Variants in RAP1GAP2 observed in about 807,000 individuals in gnomAD.
The protein encoded by RAP1GAP2 is RAP1 GTPase activating protein 2, also known as rap1 GTPase-activating protein 2.
RAP1GAP2 carries 27 observed loss-of-function variants against 95.0 expected under a neutral mutation model. The ratio of observed to expected loss-of-function variants is 0.28; its 90% CI spans 0.21 to 0.39. The LOEUF (loss-of-function observed/expected upper bound fraction) is 0.39. Ranked by LOEUF, RAP1GAP2 falls within the 10% of genes least tolerant of loss-of-function variation. The pLI is 1.00. For synonymous variants in RAP1GAP2, 373 were observed against 380.9 expected (o/e 0.98, Z 0.24); for missense variants, 771 against 970.0 (o/e 0.79, Z 2.72).
chr17:2,767,200 A>C (rs1022131960), intron 1 of RAP1GAP2, among the ~76,000 whole-genome samples: 2 of 151,640 alleles, frequency 1.3e-5, no homozygotes, highest in African/African-American at 4.8e-5. Context: ...CGTTTCCACT[A>C]AAAACACAAA....
rs775634900 is a variant in RAP1GAP2 at position 3,005,932 on chromosome 17, G to A, written c.1273-23G>A. ...GGCAACAGCCGAGAGTGACAGACCT[G>A]AGGTCCGTCTTGTCTCTTCCAGGGC... is the stretch of plus-strand genomic sequence containing the variant. On this transcript the variant is annotated intron_variant, in intron 15 of 24. Transcript: ENST00000254695. This position sits in a 1 kb window ranked among gnomAD's most constrained non-coding sequence, Gnocchi z 5.2. 7.5e-6 allele frequency: 12 copies of A among 1,604,182 alleles called. No individual in the cohort carries two copies. The highest frequency in any genetic ancestry group is 1.0e-5 in the Non-Finnish European group (12 of 1,171,136).
In RAP1GAP2 at chr17:2,857,961, G is replaced by A. The variant is rs1426333943; in HGVS notation, c.81-47323G>A. ...CTAAAAATGCAAAAAGTAGCTGGGT[G>A]TGGTGGCGTGCACCTGTAATCCCAG... On this transcript the variant is annotated intron_variant, in intron 2 of 24. Transcript: ENST00000254695. This position sits in a 1 kb window ranked among gnomAD's most constrained non-coding sequence, Gnocchi z 4.0. Among the ~76,000 whole-genome samples the A allele has an allele frequency of 6.6e-6, 1 of 152,196 alleles. No individual in the cohort carries two copies. Among genetic ancestry groups the A allele is most frequent in the Non-Finnish European group, 1.5e-5 (1 of 68,042 alleles).
chr17:2,846,792 T>C (rs1005936936), intron 2 of RAP1GAP2, among the ~76,000 whole-genome samples: 5 of 152,156 alleles, frequency 3.3e-5, no homozygotes, highest in Non-Finnish European at 5.9e-5. Context: ...CCCAGGTTCG[T>C]CTGACTGCAG....
chr17:2,841,104 G>A (rs1205650659), intron 2 of RAP1GAP2, among the ~76,000 whole-genome samples: 1 of 151,828 alleles, frequency 6.6e-6, no homozygotes, highest in East Asian at 2.0e-4. Flanking sequence ...GCAGTGAGCC[G>A]AGATTGCGCC....
chr17:2,791,804 T>C (rs2068931654), upstream of RAP1GAP2, among the ~76,000 whole-genome samples: 1 of 151,950 alleles, frequency 6.6e-6, no homozygotes, highest in South Asian at 2.1e-4. Context: ...TGGGCTGTGC[T>C]TGATGGGGCC....
At chr17:2,877,055 A>T (rs893237365) in intron 2 of RAP1GAP2, among the ~76,000 whole-genome samples, 1 of 151,406 alleles carries the variant, frequency 6.6e-6, no homozygotes, top group African/African-American at 2.4e-5. Flanking sequence ...CACCCAGCTA[A>T]TTTTTGTATT....
At chr17:2,998,680 G>T (rs1328304761) in intron 14 of RAP1GAP2, among the ~76,000 whole-genome samples, 1 of 151,838 alleles carries the variant, frequency 6.6e-6, no homozygotes, top group African/African-American at 2.4e-5. Context: ...GATGCCATTT[G>T]CTCGCTGTGA....
chr17:2,802,231 C>G (rs965152366), intron 2 of RAP1GAP2, among the ~76,000 whole-genome samples: 3 of 152,178 alleles, frequency 2.0e-5, no homozygotes, highest in Non-Finnish European at 2.9e-5. Context: ...GGTTGTGTAT[C>G]CCCTGGATGC....
chr17:3,036,741 A>G lies in RAP1GAP2; in HGVS notation c.*3380A>G, dbSNP rs948436032. 6.6e-6 allele frequency: 1 copy of G among 151,800 alleles called. No individual in the cohort carries two copies. Among genetic ancestry groups the G allele is most frequent in the Non-Finnish European group, 1.5e-5 (1 of 67,868 alleles). The allele number at this position is 151,800 out of a possible 1,614,324, so 9.4% of individuals were successfully genotyped here. Reference sequence around the variant, plus strand: ...TAAGAGGAAAAGTGGTCAAAGAAAAACTCTTCATTTCTCCCTGATTCTTAA... The same window carrying G: ...TAAGAGGAAAAGTGGTCAAAGAAAAGCTCTTCATTTCTCCCTGATTCTTAA... On this transcript the variant is annotated 3_prime_UTR_variant, in exon 25 of 25. Coordinates refer to ENST00000254695, the MANE Select transcript of RAP1GAP2 (RefSeq NM_015085.5).
chr17:3,006,118 A>ATT, intron 16 of RAP1GAP2, 77 bp downstream of exon 16: 1 of 720,056 alleles, frequency 1.4e-6, no homozygotes, highest in Non-Finnish European at 2.1e-6. Flanking sequence ...GGGCTCCTCC[A>ATT]TCTTTTTTTT....
At chr17:2,974,369 A>G (rs369963334) in intron 8 of RAP1GAP2, among the ~76,000 whole-genome samples, 1 of 151,884 alleles carries the variant, frequency 6.6e-6, no homozygotes, top group East Asian at 1.9e-4. Flanking sequence ...AAGAAGGAAA[A>G]TAACCCTCAA....
intron 1 of RAP1GAP2, chr17:2,800,305 C>T (rs56064212): frequency 0.017 from 14,758 of 876,862 alleles, 632 homozygotes; most frequent in African/African-American, 0.14. Flanking sequence ...AATAATAATA[C>T]GCATGTTGTA....
intron 2 of RAP1GAP2, among the ~76,000 whole-genome samples, chr17:2,853,455 C>T (rs985737379): frequency 6.6e-6 from 1 of 150,658 alleles, no homozygotes; most frequent in South Asian, 2.1e-4. Flanking sequence ...CCGCCTCTGC[C>T]TGGGGAGGGA....
intron 2 of RAP1GAP2, among the ~76,000 whole-genome samples, chr17:2,823,539 C>T (rs1408939313): frequency 6.6e-6 from 1 of 152,220 alleles, no homozygotes; most frequent in Admixed American, 6.6e-5. Context: ...ATCGTCTCTG[C>T]AGTGGAGGTG....
intron 3 of RAP1GAP2, among the ~76,000 whole-genome samples, chr17:2,934,983 G>A (rs776530952): frequency 9.9e-5 from 15 of 152,160 alleles, no homozygotes; most frequent in African/African-American, 1.4e-4. Context: ...TAGGGAAGAC[G>A]GGTGGGATTT....
intron 4 of RAP1GAP2, among the ~76,000 whole-genome samples, chr17:2,961,621 A>G (rs1285604653): frequency 6.6e-6 from 1 of 152,268 alleles, no homozygotes; most frequent in East Asian, 1.9e-4. Flanking sequence ...AGTCCCAGGC[A>G]TCATATCTGA....
rs949983888 is a variant in RAP1GAP2 at position 2,904,767 on chromosome 17, C to T, written c.81-517C>T. On this transcript the variant is annotated intron_variant, in intron 2 of 24. Transcript: ENST00000254695. This position sits in a 1 kb window ranked among gnomAD's most constrained non-coding sequence, Gnocchi z 4.7. ...GGTGTGCACCTGCAAATGTGCATGT[C>T]TTTCGAGTTCCCAGGTGCCGCTGGT... 1.3e-5 allele frequency among the ~76,000 whole-genome samples: 2 copies of T among 152,142 alleles called. No individual in the cohort carries two copies. The highest frequency in any genetic ancestry group is 2.9e-5 in the Non-Finnish European group (2 of 68,034).
At chr17:2,959,146 C>A (rs1208626023) in intron 4 of RAP1GAP2, among the ~76,000 whole-genome samples, 1 of 152,136 alleles carries the variant, frequency 6.6e-6, no homozygotes, top group East Asian at 1.9e-4. Flanking sequence ...GCCCACCCAG[C>A]CTTCTCTCCG....
At chr17:2,945,718 A>T (rs369691827) in intron 3 of RAP1GAP2, among the ~76,000 whole-genome samples, 24 of 151,762 alleles carry the variant, frequency 1.6e-4, no homozygotes, top group African/African-American at 4.8e-4. Context: ...TTCTGTATCA[A>T]TTGAGATAAT....
Sources: gnomAD v4.1 joint callset for allele counts (sites outside exome capture counted in the v4.1 genomes callset) on GRCh38, gnomAD v4.1.1 for gene constraint, Gnocchi (gnomAD v3.1) non-coding constraint, MANE v1.5 for transcripts, NCBI Gene and HGNC (gene_info 2026-07-23, HGNC 2026-07-21) for gene names.